The following AGO3 variants were observed in gnomAD, a reference collection of about 807,000 sequenced individuals.
AGO3 encodes argonaute RISC catalytic component 3, also known as protein argonaute-3.
AGO3 carries 16 observed loss-of-function variants against 105.5 expected under a neutral mutation model. That is an observed-to-expected ratio of 0.15 (90% CI 0.10 to 0.23). The LOEUF (loss-of-function observed/expected upper bound fraction) is 0.23. Ranked by LOEUF, AGO3 falls within the 10% of genes least tolerant of loss-of-function variation. The pLI is 1.00. For synonymous variants in AGO3, 340 were observed against 367.3 expected (o/e 0.93, Z 0.85); for missense variants, 534 against 1,088.0 (o/e 0.49, Z 7.16).
intron 14 of AGO3, among the ~76,000 whole-genome samples, chr1:36,037,915 T>G (rs1642082315): frequency 6.6e-6 from 1 of 152,188 alleles, no homozygotes; most frequent in Admixed American, 6.5e-5. Flanking sequence ...TGGTAGTCAT[T>G]GTCTTTTTCT....
rs535394881 is a variant in AGO3, at chr1:35,942,472, T to A, written c.20-3220T>A. Among the ~76,000 whole-genome samples the A allele has an allele frequency of 4.6e-5, 7 of 152,344 alleles. No homozygotes were observed. In the East Asian group the frequency reaches 1.3e-3, roughly 29 times the overall value. ...GTTTGTATAACATCGGTGTTATTTT[T>A]TTCCTTAAATGTTTGGTATAATTCT... On this transcript the variant is annotated intron_variant, in intron 1 of 18. Transcript: ENST00000373191.
At chr1:35,965,009 A>AT (rs1646747134) in intron 2 of AGO3, among the ~76,000 whole-genome samples, 1 of 150,812 alleles carries the variant, frequency 6.6e-6, no homozygotes, top group African/African-American at 2.4e-5. Context: ...AAAGCAGGAT[A>AT]TTTTTTATTC....
At chr1:36,046,507 C>T (rs776412823) in intron 17 of AGO3, among the ~76,000 whole-genome samples, 2 of 151,682 alleles carry the variant, frequency 1.3e-5, no homozygotes, top group African/African-American at 2.4e-5. Context: ...GCCTGGCCAA[C>T]ATGGTGGAAC....
intron 5 of AGO3, among the ~76,000 whole-genome samples, chr1:35,988,096 G>A (rs1286222253): frequency 6.6e-6 from 1 of 151,798 alleles, no homozygotes; most frequent in Non-Finnish European, 1.5e-5. Flanking sequence ...AAAGACCTAT[G>A]GTAACTTAAT....
chr1:35,986,253 A>G (rs550540585), intron 5 of AGO3, among the ~76,000 whole-genome samples: 3 of 152,382 alleles, frequency 2.0e-5, no homozygotes, highest in South Asian at 2.1e-4. Flanking sequence ...ATTATATGTA[A>G]TAGCAGAAAA....
In AGO3 at chr1:36,027,237, G is replaced by A; in HGVS notation, c.1530G>A (p.Lys510=). The change falls in exon 12 of 19, where the codon AAG becomes AAA. Residue 510 remains lysine, a synonymous_variant. Coordinates refer to ENST00000373191, the MANE Select transcript of AGO3 (RefSeq NM_024852.4). The surrounding 1 kb of genome is among the most constrained non-coding windows in gnomAD (Gnocchi z 4.0). ...DSVEPMFRHL[K]NTYSGLQLII... The stretch of plus-strand genomic sequence containing the variant: ...TAGAGCCCATGTTCCGGCATCTCAA[G>A]AACACATATTCTGGCCTACAGCTTA... 1 of 1,614,234 alleles carries A rather than the reference G, an allele frequency of 6.2e-7. No homozygotes were observed.
At position 36,027,719 on chromosome 1, in the gene AGO3, C is replaced by A. The variant is rs774697967; in HGVS notation, c.1591+421C>A. 6.7e-6 allele frequency among the ~76,000 whole-genome samples: 1 copy of A among 149,638 alleles called. No homozygotes were observed. Among genetic ancestry groups the A allele is most frequent in the African/African-American group, 2.5e-5 (1 of 40,486 alleles). On this transcript the variant is annotated intron_variant, in intron 12 of 18. Coordinates refer to ENST00000373191, the MANE Select transcript of AGO3 (RefSeq NM_024852.4). This position sits in a 1 kb window ranked among gnomAD's most constrained non-coding sequence, Gnocchi z 4.0. Reference sequence around the variant, plus strand: ...GCGTGAACCCAGGAGGTGGAGCTTGCAGTGAGCCGAGATCGCACCGGTGCA... The same window carrying A: ...GCGTGAACCCAGGAGGTGGAGCTTGAAGTGAGCCGAGATCGCACCGGTGCA...
At position 36,071,744 on chromosome 1, in the gene AGO3, A is replaced by G. The variant is rs1196448536; in HGVS notation, c.*15999A>G. On this transcript the variant is annotated 3_prime_UTR_variant, in exon 19 of 19. Transcript: ENST00000373191. ...AATCTTCGGCTACACAGTAACATCA[A>G]TTAAAACAGAAGAGTGAGTCTAAGT... 6.6e-6 allele frequency: 1 copy of G among 152,230 alleles called. No individual in the cohort carries two copies. The highest frequency in any genetic ancestry group is 1.5e-5 in the Non-Finnish European group (1 of 68,036). The allele number at this position is 152,230 out of a possible 1,614,324, so 9.4% of individuals were successfully genotyped here. A position where few individuals can be genotyped will look rare whatever the true frequency, so the allele number is the denominator to read the frequency against.
chr1:36,009,086 A>ATTTTTTTTTTT, intron 8 of AGO3, 42 bp downstream of exon 8: 1 of 1,481,364 alleles, frequency 6.8e-7, no homozygotes, highest in East Asian at 4.0e-5. Context: ...GTTGTTCATG[A>ATTTTTTTTTTT]TTCTTTTGGG....
chr1:35,998,913 T>C (rs1464693534), intron 5 of AGO3, among the ~76,000 whole-genome samples: 1 of 152,226 alleles, frequency 6.6e-6, no homozygotes, highest in Non-Finnish European at 1.5e-5. Context: ...GTTTTCCTTT[T>C]CATATTTAGT....
intron 1 of AGO3, among the ~76,000 whole-genome samples, chr1:35,942,956 T>C (rs1646283967): frequency 1.3e-5 from 2 of 152,122 alleles, no homozygotes; most frequent in African/African-American, 4.8e-5. Context: ...AGGTACCTCA[T>C]GTAAGTGGAA....
intron 15 of AGO3, 57 bp downstream of exon 15, chr1:36,040,041 A>G: frequency 1.1e-5 from 17 of 1,509,056 alleles, no homozygotes; most frequent in Non-Finnish European, 1.5e-5. Context: ...TGTTTATAAT[A>G]TGGTGTCTAG....
rs959665546 is a variant in AGO3 at position 36,009,675 on chromosome 1, C to G, written c.1149+81C>G. ...ACTAGAGAACCATGTCCTTATCAAC[C>G]CATACCTTATGACCATTTCATGGAC... is the stretch of plus-strand genomic sequence containing the variant. On this transcript the variant is annotated intron_variant, in intron 9 of 18. Coordinates refer to ENST00000373191, the MANE Select transcript of AGO3 (RefSeq NM_024852.4). 1.2e-5 allele frequency: 17 copies of G among 1,383,116 alleles called. No homozygotes were observed. The African/African-American group carries it at 2.2e-4, about 18-fold the overall frequency. The allele number at this position is 1,383,116 out of a possible 1,614,324, so 85.7% of individuals were successfully genotyped here. A position where few individuals can be genotyped will look rare whatever the true frequency, so the allele number is the denominator to read the frequency against.
chr1:35,977,864 C>G lies in AGO3; in HGVS notation c.658+4353C>G, dbSNP rs549194804. Among the ~76,000 whole-genome samples, 4 of 151,354 alleles carry G rather than the reference C, an allele frequency of 2.6e-5. No homozygotes were observed. In the South Asian group the frequency reaches 8.3e-4, roughly 32 times the overall value. On this transcript the variant is annotated intron_variant, in intron 5 of 18. Coordinates refer to ENST00000373191, the MANE Select transcript of AGO3 (RefSeq NM_024852.4). ...ACAATAAGCATCTATTACTTCTTAT[C>G]AAAAAACTAAAAAAAAGACGGTATG... is the stretch of plus-strand genomic sequence containing the variant.
intron 5 of AGO3, among the ~76,000 whole-genome samples, chr1:35,995,841 G>C (rs749862372): frequency 6.6e-6 from 1 of 151,978 alleles, no homozygotes; most frequent in Non-Finnish European, 1.5e-5. Flanking sequence ...CCACGCCTGG[G>C]TAATTTTTGT....
At chr1:35,991,908 A>G (rs1158213223) in intron 5 of AGO3, among the ~76,000 whole-genome samples, 1 of 151,948 alleles carries the variant, frequency 6.6e-6, no homozygotes, top group Non-Finnish European at 1.5e-5. Context: ...TCCAATATCT[A>G]GTATTCTTGA....
intron 5 of AGO3, among the ~76,000 whole-genome samples, chr1:35,977,837 C>T (rs1185067518): frequency 6.6e-6 from 1 of 151,480 alleles, no homozygotes; most frequent in East Asian, 1.9e-4. Context: ...TTCAAGCTTT[C>T]AACAATAAGC....
At chr1:35,993,509 A>G (rs1225205431) in intron 5 of AGO3, among the ~76,000 whole-genome samples, 3 of 152,126 alleles carry the variant, frequency 2.0e-5, no homozygotes, top group African/African-American at 7.2e-5. Context: ...AATTAATTTG[A>G]TAGGTGAAAC....
chr1:35,934,423 T>C (rs1646111569), intron 1 of AGO3, among the ~76,000 whole-genome samples: 1 of 152,220 alleles, frequency 6.6e-6, no homozygotes, highest in African/African-American at 2.4e-5. Flanking sequence ...AATTCATGTC[T>C]GAAAATAGTT....
Sources: allele counts gnomAD v4.1 joint callset (sites outside exome capture counted in the v4.1 genomes callset), GRCh38; gene constraint gnomAD v4.1.1; non-coding constraint Gnocchi (gnomAD v3.1); transcripts MANE v1.5; gene names NCBI Gene and HGNC (gene_info 2026-07-23, HGNC 2026-07-21).